Variants in TENM3 observed in about 807,000 individuals in gnomAD.
TENM3 encodes the protein teneurin transmembrane protein 3, also known as teneurin-3.
TENM3 carries 63 observed loss-of-function variants against 255.1 expected under a neutral mutation model. The observed-to-expected ratio is 0.25, with a 90% confidence interval of 0.20 to 0.30. The LOEUF is 0.30. Ranked by LOEUF, TENM3 falls within the 10% of genes least tolerant of loss-of-function variation. The pLI is 1.00. For missense variants in TENM3, 2,929 were observed against 3,461.1 expected (o/e 0.85, Z 3.86); for synonymous variants, 1,306 against 1,322.3 (o/e 0.99, Z 0.27).
upstream of TENM3, chr4:182,142,133 A>G (rs780447310): frequency 2.0e-5 from 3 of 148,028 alleles, no homozygotes; most frequent in East Asian, 5.8e-4. Context: ...TTTTTTTTAT[A>G]TAATAATAAG....
chr4:182,086,703 C>T, the TENM3 span, among the ~76,000 whole-genome samples: 16 of 152,082 alleles, frequency 1.1e-4, 1 homozygote, highest in Non-Finnish European at 1.9e-4. Context: ...TGGTAGGCTG[C>T]GGTGGAATTA....
intron 3 of TENM3, among the ~76,000 whole-genome samples, chr4:182,362,737 C>T (rs943580207): frequency 2.2e-4 from 34 of 151,760 alleles, no homozygotes; most frequent in Admixed American, 1.6e-3. Flanking sequence ...CACTGACCTG[C>T]GCCCACTGTC....
intron 4 of TENM3, among the ~76,000 whole-genome samples, chr4:182,621,812 A>ATATATATATAATATATAATATATATAT (rs1750299910): frequency 1.0e-3 from 1 of 974 alleles, no homozygotes; most frequent in Non-Finnish European, 0.036. Flanking sequence ...TATATATATT[A>ATATATATATAATATATAATATATATAT]TATATATATA....
the TENM3 span, among the ~76,000 whole-genome samples, chr4:181,553,463 G>A: frequency 1.8e-4 from 28 of 151,686 alleles, no homozygotes; most frequent in Admixed American, 3.9e-4. Context: ...TTATTTTGAG[G>A]CGGAGTCTGG....
intron 1 of TENM3, among the ~76,000 whole-genome samples, chr4:182,289,262 A>G (rs1207779205): frequency 1.3e-5 from 2 of 152,228 alleles, no homozygotes; most frequent in Non-Finnish European, 2.9e-5. Flanking sequence ...ATTAAAACGC[A>G]TTTAGATGTT....
At chr4:181,527,781 A>T in the TENM3 span, among the ~76,000 whole-genome samples, 1 of 151,642 alleles carries the variant, frequency 6.6e-6, no homozygotes, top group South Asian at 2.1e-4. Context: ...TGTATTTTAC[A>T]TTGTGTTACA....
At chr4:182,186,860 A>G (rs952375710) in intron 1 of TENM3, among the ~76,000 whole-genome samples, 1 of 135,344 alleles carries the variant, frequency 7.4e-6, no homozygotes, top group Admixed American at 7.8e-5. Flanking sequence ...TCATTTCTCC[A>G]GATTTTCTAA....
At chr4:182,161,959 GTA>G (rs766414090) in intron 1 of TENM3, among the ~76,000 whole-genome samples, 1,133 of 16,016 alleles carry the variant, frequency 0.071, 216 homozygotes, top group East Asian at 0.16. Context: ...GTGTGTGTGT[GTA>G]TATATATATA....
At chr4:181,885,203 G>T in the TENM3 span, among the ~76,000 whole-genome samples, 2 of 152,030 alleles carry the variant, frequency 1.3e-5, no homozygotes, top group South Asian at 2.1e-4. Context: ...AAATTTTCTC[G>T]CTCAGTCCCA....
intron 3 of TENM3, among the ~76,000 whole-genome samples, chr4:182,538,119 T>C (rs144130540): frequency 2.0e-5 from 3 of 152,346 alleles, no homozygotes; most frequent in African/African-American, 7.2e-5. Context: ...TAGTGTTTTT[T>C]ATGTTCACGT....
chr4:181,752,281 A>G, the TENM3 span, among the ~76,000 whole-genome samples: 1 of 152,148 alleles, frequency 6.6e-6, no homozygotes, highest in Non-Finnish European at 1.5e-5. Context: ...GAATGTAGGT[A>G]TCTTTCGCCT....
At chr4:182,314,284 G>A (rs561524147) in intron 1 of TENM3, among the ~76,000 whole-genome samples, 5 of 151,872 alleles carry the variant, frequency 3.3e-5, no homozygotes, top group African/African-American at 9.7e-5. Context: ...CTGGGCGACA[G>A]AGCGAGACTC....
chr4:182,729,269 G>A (rs1365121679), intron 14 of TENM3, 88 bp downstream of exon 14: 1 of 1,139,534 alleles, frequency 8.8e-7, no homozygotes, highest in South Asian at 1.4e-5. Context: ...CTGTGAACCT[G>A]AGGAAAGTGC....
upstream of TENM3, among the ~76,000 whole-genome samples, chr4:182,141,001 C>G (rs1749373942): frequency 1.3e-5 from 2 of 151,092 alleles, no homozygotes; most frequent in Non-Finnish European, 3.0e-5. Context: ...CCCCCCCGCC[C>G]CCCAGCCCTT....
the TENM3 span, among the ~76,000 whole-genome samples, chr4:182,044,200 A>G: frequency 1.3e-5 from 2 of 152,122 alleles, no homozygotes; most frequent in East Asian, 3.8e-4. Flanking sequence ...AAGCAAGGAG[A>G]AGAACGACAT....
the TENM3 span, among the ~76,000 whole-genome samples, chr4:181,526,286 A>G: frequency 6.6e-6 from 1 of 151,460 alleles, no homozygotes; most frequent in African/African-American, 2.4e-5. Context: ...AAAAACCAGC[A>G]AAGTAGCGAG....
At chr4:181,887,041 T>C in the TENM3 span, among the ~76,000 whole-genome samples, 1 of 152,334 alleles carries the variant, frequency 6.6e-6, no homozygotes, top group Non-Finnish European at 1.5e-5. Flanking sequence ...AATACTTTCC[T>C]GTTTTATTTC....
intron 1 of TENM3, among the ~76,000 whole-genome samples, chr4:182,147,908 A>G (rs962872588): frequency 6.6e-6 from 1 of 152,154 alleles, no homozygotes; most frequent in Non-Finnish European, 1.5e-5. Flanking sequence ...AAAAGTTTCG[A>G]CAACTAAGTT....
the TENM3 span, among the ~76,000 whole-genome samples, chr4:182,077,286 T>C: frequency 6.6e-6 from 1 of 152,330 alleles, no homozygotes; most frequent in African/African-American, 2.4e-5. Context: ...TATAAGCTTC[T>C]AGAGAATAAG....
Sources: gnomAD v4.1 joint callset for allele counts (sites outside exome capture counted in the v4.1 genomes callset) on GRCh38, gnomAD v4.1.1 for gene constraint, MANE v1.5 for transcripts, NCBI Gene and HGNC (gene_info 2026-07-23, HGNC 2026-07-21) for gene names.